LNX1: variants seen among roughly 807,000 people sequenced by gnomAD.
LNX1 encodes ligand of numb-protein X 1.
Under a neutral mutation model 68.4 loss-of-function variants are expected in LNX1, and 54 were observed. The ratio of observed to expected loss-of-function variants is 0.79; its 90% confidence interval spans 0.63 to 0.99. The LOEUF (loss-of-function observed/expected upper bound fraction) is 0.99, where lower values mean the gene tolerates loss of function less well. Among genes scored for constraint, LNX1 ranks in the 50% least tolerant of loss-of-function variants. The pLI is 0.00. For synonymous variants in LNX1, 336 were observed against 350.0 expected, an observed-to-expected ratio of 0.96 and a Z score of 0.45; for missense variants, 906 against 926.4, an observed-to-expected ratio of 0.98 and a Z score of 0.29.
At chr4:53,476,568 C>G (rs994516537) in intron 9 of LNX1, among the ~76,000 whole-genome samples, 185 bp downstream of exon 9, 4 of 152,178 alleles carry the variant, frequency 2.6e-5, no homozygotes, top group Non-Finnish European at 5.9e-5. Context: ...TGTCTTTGCC[C>G]TAGAATGTCC....
At chr4:53,566,284 A>G (rs2109755024) in intron 2 of LNX1, among the ~76,000 whole-genome samples, 1 of 151,592 alleles carries the variant, frequency 6.6e-6, no homozygotes, top group East Asian at 1.9e-4. Flanking sequence ...AGCCCATCAG[A>G]CTAACAGCGG....
intron 6 of LNX1, among the ~76,000 whole-genome samples, chr4:53,494,331 C>T (rs1212232098): frequency 6.6e-6 from 1 of 152,220 alleles, no homozygotes; most frequent in Non-Finnish European, 1.5e-5. Context: ...CCATGTGGAA[C>T]TGTGGATCCA....
chr4:53,575,682 T>C (rs577863812), intron 1 of LNX1: 3 of 1,390,890 alleles, frequency 2.2e-6, no homozygotes, highest in East Asian at 2.5e-5. Flanking sequence ...ACCCACCCCC[T>C]GGGCTGGCTA....
chr4:53,515,227 C>T (rs944769403), intron 2 of LNX1, among the ~76,000 whole-genome samples: 5 of 152,188 alleles, frequency 3.3e-5, no homozygotes, highest in African/African-American at 1.2e-4. Context: ...CTTAAGGCCG[C>T]CAGTCAAGAC....
intron 2 of LNX1, among the ~76,000 whole-genome samples, chr4:53,547,676 C>G (rs941854783): frequency 2.0e-4 from 31 of 152,282 alleles, no homozygotes; most frequent in Admixed American, 1.9e-3. Context: ...ATGGGGCAAC[C>G]AGGAAGACAG....
chr4:53,517,150 T>A (rs1726851196), intron 2 of LNX1, among the ~76,000 whole-genome samples: 3 of 152,164 alleles, frequency 2.0e-5, no homozygotes, highest in South Asian at 2.1e-4. Context: ...TAAAGGAGCC[T>A]GAGAGATTCT....
At chr4:53,529,507 G>T (rs1021245406) in intron 2 of LNX1, among the ~76,000 whole-genome samples, 2 of 152,156 alleles carry the variant, frequency 1.3e-5, no homozygotes, top group African/African-American at 4.8e-5. Flanking sequence ...GAGAACAAAA[G>T]TCTAGAAGAG....
intron 4 of LNX1, chr4:53,500,623 T>C (rs1725405819): frequency 6.6e-6 from 1 of 152,170 alleles, no homozygotes; most frequent in Non-Finnish European, 1.5e-5. Flanking sequence ...CAAAGTAACT[T>C]AGTGGGCAGA....
chr4:53,602,432 A>T (rs1733056187), intron 2 of LNX1, among the ~76,000 whole-genome samples: 1 of 152,194 alleles, frequency 6.6e-6, no homozygotes, highest in Non-Finnish European at 1.5e-5. Context: ...AGTAATCCCA[A>T]CTTTCAGGAA....
intron 1 of LNX1, among the ~76,000 whole-genome samples, chr4:53,623,761 T>A (rs928209331): frequency 2.6e-5 from 4 of 151,592 alleles, no homozygotes; most frequent in African/African-American, 9.7e-5. Flanking sequence ...ACTAGCAACT[T>A]GATTAGGTAG....
chr4:53,617,253 G>T (rs776628044), exon 1 of LNX1: 3 of 152,098 alleles, frequency 2.0e-5, no homozygotes, highest in East Asian at 1.9e-4. Context: ...CTCACCTTTT[G>T]CAGGGAAGAA....
At chr4:53,470,172 G>A (rs1471592740) in intron 9 of LNX1, among the ~76,000 whole-genome samples, 1 of 152,146 alleles carries the variant, frequency 6.6e-6, no homozygotes, top group Non-Finnish European at 1.5e-5. Context: ...CCCTGGGATG[G>A]AAGGCTGGTT....
At chr4:53,574,216 G>T in intron 1 of LNX1, 128 bp from the exon 2 acceptor site, 1 of 747,552 alleles carries the variant, frequency 1.3e-6, no homozygotes, top group Non-Finnish European at 2.1e-6. Flanking sequence ...AGGGTTGAGG[G>T]TCCACTCTGG....
At chr4:53,470,832 A>T (rs935791998) in intron 9 of LNX1, among the ~76,000 whole-genome samples, 5 of 152,102 alleles carry the variant, frequency 3.3e-5, no homozygotes, top group Non-Finnish European at 7.4e-5. Context: ...GCTCAATGAA[A>T]TAAAATAGGA....
At chr4:53,601,158 A>G (rs1732997664) in intron 2 of LNX1, among the ~76,000 whole-genome samples, 1 of 152,010 alleles carries the variant, frequency 6.6e-6, no homozygotes, top group South Asian at 2.1e-4. Flanking sequence ...GTATTTAAAT[A>G]TATTCCACTC....
At chr4:53,610,715 GAAA>G (rs10553873) in intron 2 of LNX1, among the ~76,000 whole-genome samples, 161 of 112,522 alleles carry the variant, frequency 1.4e-3, no homozygotes, top group African/African-American at 3.0e-3. Flanking sequence ...TCTCAAAGAG[GAAA>G]AAAAAAAAAA....
intron 1 of LNX1, chr4:53,575,781 T>A: frequency 6.4e-7 from 1 of 1,569,148 alleles, no homozygotes; most frequent in Non-Finnish European, 8.6e-7. Flanking sequence ...GCCGAGTGAG[T>A]TTCTTGGGGG....
Position 53,476,767 on chromosome 4 carries a change from C to A in LNX1, c.1878G>T (p.Trp626Cys). Residue 626 changes from tryptophan to cysteine, a missense_variant, in exon 9 of 11, where the codon TGG becomes TGT. Coordinates refer to ENST00000263925, the MANE Select transcript of LNX1 (RefSeq NM_001126328.3). ...PSDWSPSWVM[W>C]LELPRCLYNC... is the part of the protein sequence containing the mutation. ...TTTGGACTTACCGTGGTAATTCCAG[C>A]CACATGACCCAGGATGGGGACCAGT... 2 of 1,614,084 alleles carry A rather than the reference C, an allele frequency of 1.2e-6. No homozygotes were observed. Among genetic ancestry groups the A allele is most frequent in the Non-Finnish European group, 1.7e-6 (2 of 1,179,950 alleles).
chr4:53,600,747 T>C (rs1228353045), intron 2 of LNX1, among the ~76,000 whole-genome samples: 1 of 150,186 alleles, frequency 6.7e-6, no homozygotes, highest in Non-Finnish European at 1.5e-5. Context: ...TTTTCAATTT[T>C]TGAGACAGAG....
Sources: allele counts gnomAD v4.1 joint callset (sites outside exome capture counted in the v4.1 genomes callset), GRCh38; gene constraint gnomAD v4.1.1; transcripts MANE v1.5; gene names NCBI Gene and HGNC (gene_info 2026-07-23, HGNC 2026-07-21).